The following ERBB4 variants were observed in gnomAD, a reference collection of about 807,000 sequenced individuals.
The protein encoded by ERBB4 is erb-b2 receptor tyrosine kinase 4, also known as receptor tyrosine-protein kinase erbB-4.
Under a neutral mutation model 158.0 loss-of-function variants are expected in ERBB4, and 42 were observed. The observed-to-expected ratio is 0.27, with a 90% CI of 0.21 to 0.34. ERBB4 has a LOEUF of 0.34. ERBB4 is among the 10% of genes least tolerant of loss of function. The probability of loss-of-function intolerance (pLI) is 1.00; values close to 1 mark genes in which losing one functional copy is unlikely to be tolerated. For missense variants in ERBB4, 1,333 were observed against 1,624.1 expected (o/e 0.82, Z 3.08); for synonymous variants, 583 against 558.7 (o/e 1.04, Z -0.61).
chr2:211,428,173 G>A (rs1443675859), intron 22 of ERBB4, among the ~76,000 whole-genome samples: 1 of 151,220 alleles, frequency 6.6e-6, no homozygotes, highest in Non-Finnish European at 1.5e-5. Flanking sequence ...GTATACCTAC[G>A]CAACAAACCT....
intron 2 of ERBB4, among the ~76,000 whole-genome samples, chr2:211,974,580 T>C (rs1396289059): frequency 6.6e-6 from 1 of 152,114 alleles, no homozygotes; most frequent in East Asian, 1.9e-4. Flanking sequence ...TCCTTCCAGT[T>C]TTAACTCTAC....
intron 4 of ERBB4, among the ~76,000 whole-genome samples, chr2:211,762,560 T>A (rs2075442162): frequency 1.3e-5 from 2 of 152,162 alleles, no homozygotes; most frequent in East Asian, 3.9e-4. Context: ...TGAAGAAGAT[T>A]AGATGTCACT....
chr2:211,683,224 C>T (rs2072427253), intron 12 of ERBB4, among the ~76,000 whole-genome samples: 1 of 151,946 alleles, frequency 6.6e-6, no homozygotes, highest in Non-Finnish European at 1.5e-5. Context: ...GTTTATAGTA[C>T]AGTAACACAA....
intron 2 of ERBB4, among the ~76,000 whole-genome samples, chr2:212,112,483 G>A (rs115183876): frequency 0.01 from 1,519 of 151,154 alleles, 18 homozygotes; most frequent in African/African-American, 0.035. Flanking sequence ...TCCTTGTACT[G>A]ATTTTTCTAA....
intron 19 of ERBB4, among the ~76,000 whole-genome samples, chr2:211,602,914 A>G (rs2068843452): frequency 6.6e-6 from 1 of 152,138 alleles, no homozygotes; most frequent in South Asian, 2.1e-4. Context: ...AGACTGCAGC[A>G]TGAGAGTGGA....
chr2:212,304,674 T>C (rs954506063), intron 1 of ERBB4, among the ~76,000 whole-genome samples: 2 of 151,454 alleles, frequency 1.3e-5, no homozygotes, highest in African/African-American at 4.8e-5. Flanking sequence ...GGGTGGAAGG[T>C]TGACACAAAA....
chr2:211,525,560 G>A (rs2066323405), intron 20 of ERBB4, among the ~76,000 whole-genome samples: 1 of 152,154 alleles, frequency 6.6e-6, no homozygotes, highest in South Asian at 2.1e-4. Context: ...AGTATGCCAT[G>A]GGCCTTAGAT....
At chr2:211,500,151 C>A (rs1458961266) in intron 20 of ERBB4, among the ~76,000 whole-genome samples, 2 of 152,096 alleles carry the variant, frequency 1.3e-5, no homozygotes, top group Admixed American at 6.5e-5. Context: ...CAGTCGTCTG[C>A]TCTGACCCTA....
intron 19 of ERBB4, among the ~76,000 whole-genome samples, chr2:211,583,229 C>T (rs2068156445): frequency 6.6e-6 from 1 of 151,908 alleles, no homozygotes; most frequent in Non-Finnish European, 1.5e-5. Flanking sequence ...ATGTATCCAG[C>T]CATATTCTAA....
At chr2:211,720,418 A>G (rs1241558549) in intron 7 of ERBB4, among the ~76,000 whole-genome samples, 3 of 152,186 alleles carry the variant, frequency 2.0e-5, no homozygotes, top group Non-Finnish European at 4.4e-5. Context: ...ATCAGTGATG[A>G]CCTTGGCAAA....
intron 1 of ERBB4, among the ~76,000 whole-genome samples, chr2:212,495,732 A>G (rs1690527780): frequency 6.6e-6 from 1 of 152,222 alleles, no homozygotes; most frequent in African/African-American, 2.4e-5. Flanking sequence ...TCTTTCCTAC[A>G]AAATCAGATC....
intron 19 of ERBB4, among the ~76,000 whole-genome samples, chr2:211,612,148 G>A (rs2069224119): frequency 6.6e-6 from 1 of 151,988 alleles, no homozygotes; most frequent in Non-Finnish European, 1.5e-5. Context: ...GCTAAATAAA[G>A]ATAGAACAAT....
chr2:212,128,756 G>A (rs973531852), intron 1 of ERBB4, among the ~76,000 whole-genome samples: 5 of 152,014 alleles, frequency 3.3e-5, no homozygotes, highest in Non-Finnish European at 5.9e-5. Context: ...TAACCATAAC[G>A]ACATTTTATT....
intron 20 of ERBB4, among the ~76,000 whole-genome samples, chr2:211,549,494 G>T (rs570999422): frequency 6.6e-6 from 1 of 152,080 alleles, no homozygotes; most frequent in Non-Finnish European, 1.5e-5. Context: ...TCCAGGCCCT[G>T]GAGGACTGAG....
intron 1 of ERBB4, among the ~76,000 whole-genome samples, chr2:212,480,763 G>C (rs1689654837): frequency 6.6e-6 from 1 of 152,170 alleles, no homozygotes; most frequent in African/African-American, 2.4e-5. Flanking sequence ...TAGTTTCATT[G>C]CTATATTTGA....
At chr2:212,154,362 G>A (rs947632691) in intron 1 of ERBB4, among the ~76,000 whole-genome samples, 5 of 152,154 alleles carry the variant, frequency 3.3e-5, no homozygotes, top group Admixed American at 2.0e-4. Context: ...AATTAAGGAA[G>A]CTGGGGATTT....
Position 211,394,028 on chromosome 2 carries a change from G to A in ERBB4, c.3136-6036C>T, listed in dbSNP as rs532743899. ...AGGGTAAGTAAGCTATTGTATCCCCGGGCAGCAATTCCTATGCCCTTTCCA... is the reference window on the plus strand; with the variant it reads ...AGGGTAAGTAAGCTATTGTATCCCCAGGCAGCAATTCCTATGCCCTTTCCA... On this transcript the variant is annotated intron_variant, in intron 25 of 27. Transcript: ENST00000342788. Among the ~76,000 whole-genome samples, 4 of 151,964 alleles carry A rather than the reference G, an allele frequency of 2.6e-5. No individual in the cohort carries two copies. In the South Asian group the frequency reaches 6.3e-4, roughly 24 times the overall value.
chr2:212,486,253 GAGA>G (rs1575010011), intron 1 of ERBB4, among the ~76,000 whole-genome samples: 1 of 152,016 alleles, frequency 6.6e-6, no homozygotes, highest in African/African-American at 2.4e-5. Flanking sequence ...AAAATGAGGG[GAGA>G]AGGAGAGATT....
chr2:211,804,350 T>C (rs1390489483), intron 3 of ERBB4, among the ~76,000 whole-genome samples: 1 of 152,198 alleles, frequency 6.6e-6, no homozygotes, highest in Non-Finnish European at 1.5e-5. Context: ...GGTGAGACTA[T>C]ATACTTGATC....
Sources: gnomAD v4.1 joint callset for allele counts (sites outside exome capture counted in the v4.1 genomes callset) on GRCh38, gnomAD v4.1.1 for gene constraint, MANE v1.5 for transcripts, NCBI Gene and HGNC (gene_info 2026-07-23, HGNC 2026-07-21) for gene names.